Variants in RPS6KC1 observed in about 807,000 individuals in gnomAD.
The protein encoded by RPS6KC1 is inactive ribosomal protein S6 kinase delta-1.
RPS6KC1 carries 54 observed loss-of-function variants against 103.8 expected under a neutral mutation model. That is an observed-to-expected ratio of 0.52 (90% CI 0.42 to 0.65). RPS6KC1 has a LOEUF of 0.65. Ranked by LOEUF, RPS6KC1 falls within the 30% of genes least tolerant of loss-of-function variation. The pLI is 0.00. For missense variants in RPS6KC1, 1,151 were observed against 1,253.8 expected (o/e 0.92, Z 1.24); for synonymous variants, 439 against 438.7 (o/e 1.00, Z -0.01).
At chr1:213,780,312 A>T in the RPS6KC1 span, among the ~76,000 whole-genome samples, 7 of 152,326 alleles carry the variant, frequency 4.6e-5, no homozygotes, top group Non-Finnish European at 1.5e-5. Flanking sequence ...TGGGGCAAAA[A>T]GCAGCGGCCA....
At chr1:213,760,207 T>A in the RPS6KC1 span, among the ~76,000 whole-genome samples, 1 of 152,150 alleles carries the variant, frequency 6.6e-6, no homozygotes, top group Non-Finnish European at 1.5e-5. Flanking sequence ...ATATTTAATA[T>A]CATTATCAAA....
At chr1:213,073,453 A>G (rs1306651120) in intron 2 of RPS6KC1, among the ~76,000 whole-genome samples, 2 of 152,198 alleles carry the variant, frequency 1.3e-5, no homozygotes, top group East Asian at 3.9e-4. Flanking sequence ...TGTGTAGAAC[A>G]TGAATAGACA....
chr1:213,269,562 A>G (rs577218969), intron 14 of RPS6KC1, among the ~76,000 whole-genome samples: 1 of 152,226 alleles, frequency 6.6e-6, no homozygotes, highest in Non-Finnish European at 1.5e-5. Flanking sequence ...AATTGAATTC[A>G]TACACTGTAT....
chr1:213,200,720 A>G (rs1392073436), intron 8 of RPS6KC1, among the ~76,000 whole-genome samples: 7 of 152,216 alleles, frequency 4.6e-5, no homozygotes, highest in Admixed American at 3.3e-4. Flanking sequence ...TTTGGAAACT[A>G]TGCATCCAAC....
chr1:213,357,679 A>G, the RPS6KC1 span, among the ~76,000 whole-genome samples: 7 of 152,208 alleles, frequency 4.6e-5, no homozygotes, highest in African/African-American at 1.7e-4. Context: ...GAGACCAAAG[A>G]AAGTGCCATT....
At chr1:213,520,601 C>G in the RPS6KC1 span, among the ~76,000 whole-genome samples, 1 of 152,098 alleles carries the variant, frequency 6.6e-6, no homozygotes, top group African/African-American at 2.4e-5. Context: ...TTCCCTTCCC[C>G]TCCCTCGTTT....
chr1:213,453,089 T>C, the RPS6KC1 span, among the ~76,000 whole-genome samples: 1 of 152,022 alleles, frequency 6.6e-6, no homozygotes, highest in Non-Finnish European at 1.5e-5. Context: ...CATCATTTCA[T>C]CTCGTGGCCA....
the RPS6KC1 span, among the ~76,000 whole-genome samples, chr1:213,496,650 C>T: frequency 3.5e-4 from 54 of 152,114 alleles, no homozygotes; most frequent in East Asian, 8.7e-3. Context: ...CCCAGCTACT[C>T]GTGAGGCTGA....
the RPS6KC1 span, among the ~76,000 whole-genome samples, chr1:213,415,535 C>G: frequency 6.6e-6 from 1 of 152,212 alleles, no homozygotes; most frequent in Admixed American, 6.5e-5. Context: ...ACTGAAGGAA[C>G]CATCCCTGCC....
chr1:213,555,749 A>G, the RPS6KC1 span, among the ~76,000 whole-genome samples: 2 of 152,252 alleles, frequency 1.3e-5, no homozygotes, highest in Non-Finnish European at 2.9e-5. Context: ...TGGATTTTCT[A>G]TAAACTAATT....
chr1:213,411,990 G>A, the RPS6KC1 span, among the ~76,000 whole-genome samples: 4 of 152,192 alleles, frequency 2.6e-5, no homozygotes, highest in Admixed American at 6.5e-5. Context: ...TGCATATTTT[G>A]TGGGTGTTCA....
intron 8 of RPS6KC1, among the ~76,000 whole-genome samples, chr1:213,195,943 G>A (rs1486866555): frequency 6.6e-6 from 1 of 152,054 alleles, no homozygotes; most frequent in African/African-American, 2.4e-5. Flanking sequence ...TTATAAATGT[G>A]TGTGCAAGTG....
intron 8 of RPS6KC1, among the ~76,000 whole-genome samples, chr1:213,224,120 T>A (rs185321833): frequency 1.3e-5 from 2 of 152,320 alleles, no homozygotes; most frequent in Admixed American, 1.3e-4. Flanking sequence ...CCATATTATT[T>A]TTCTTTATTT....
intron 8 of RPS6KC1, among the ~76,000 whole-genome samples, chr1:213,205,718 T>G (rs957266985): frequency 3.3e-5 from 5 of 151,574 alleles, no homozygotes; most frequent in African/African-American, 1.2e-4. Flanking sequence ...ATTATAGTTA[T>G]TTTTCTTCAA....
At chr1:213,108,303 G>C (rs971085666) in intron 4 of RPS6KC1, among the ~76,000 whole-genome samples, 1 of 152,036 alleles carries the variant, frequency 6.6e-6, no homozygotes, top group African/African-American at 2.4e-5. Context: ...TCATCTTCTG[G>C]TGTGTGTATA....
chr1:213,095,393 A>T (rs935546144), intron 3 of RPS6KC1, among the ~76,000 whole-genome samples: 1 of 152,234 alleles, frequency 6.6e-6, no homozygotes, highest in Non-Finnish European at 1.5e-5. Flanking sequence ...CATGCATTTT[A>T]AAAAAGTTGT....
chr1:213,781,078 A>G, the RPS6KC1 span, among the ~76,000 whole-genome samples: 1 of 152,206 alleles, frequency 6.6e-6, no homozygotes, highest in East Asian at 1.9e-4. Context: ...AGATTGAGAA[A>G]GAGAAGCCAG....
the RPS6KC1 span, among the ~76,000 whole-genome samples, chr1:213,732,573 A>G: frequency 6.6e-6 from 1 of 152,110 alleles, no homozygotes. Context: ...TTAACTTTTG[A>G]GCCTCAATTA....
the RPS6KC1 span, among the ~76,000 whole-genome samples, chr1:213,791,925 A>T: frequency 6.6e-6 from 1 of 152,166 alleles, no homozygotes; most frequent in Non-Finnish European, 1.5e-5. Flanking sequence ...AGGATCCAAG[A>T]TGGCTCTGCT....
Sources: gnomAD v4.1 joint callset for allele counts (sites outside exome capture counted in the v4.1 genomes callset) on GRCh38, gnomAD v4.1.1 for gene constraint, MANE v1.5 for transcripts, NCBI Gene and HGNC (gene_info 2026-07-23, HGNC 2026-07-21) for gene names.